The following TTBK2 variants were observed in gnomAD, a reference collection of about 807,000 sequenced individuals.
TTBK2 encodes tau tubulin kinase 2, also known as tau-tubulin kinase 2.
A neutral mutation model predicts 110.8 loss-of-function variants in TTBK2; 28 were observed. The ratio of observed to expected loss-of-function variants is 0.25; its 90% CI spans 0.19 to 0.35. The LOEUF is 0.35. Among genes scored for constraint, TTBK2 ranks in the 10% least tolerant of loss-of-function variants. The pLI is 1.00. For missense variants in TTBK2, 1,369 were observed against 1,500.3 expected (o/e 0.91, Z 1.45); for synonymous variants, 532 against 527.3 (o/e 1.01, Z -0.12).
chr15:42,816,081 A>ATAT (rs1891995255), intron 7 of TTBK2, among the ~76,000 whole-genome samples: 88 of 60,286 alleles, frequency 1.5e-3, no homozygotes, highest in East Asian at 3.6e-3. Context: ...AAAATAAATA[A>ATAT]ATAAATATAT....
At chr15:42,902,888 G>C (rs539617823) in intron 1 of TTBK2, among the ~76,000 whole-genome samples, 108 of 151,834 alleles carry the variant, frequency 7.1e-4, no homozygotes, top group Non-Finnish European at 1.3e-3. Flanking sequence ...CTACTTGGGA[G>C]GCAGGAGAAT....
At chr15:42,747,629 G>A (rs1261465836) in intron 14 of TTBK2, among the ~76,000 whole-genome samples, 1 of 152,238 alleles carries the variant, frequency 6.6e-6, no homozygotes, top group Non-Finnish European at 1.5e-5. Flanking sequence ...TCTGATAGGA[G>A]GCGGAGCTCA....
chr15:42,793,824 T>G (rs1370277081), intron 10 of TTBK2, among the ~76,000 whole-genome samples: 1 of 150,246 alleles, frequency 6.7e-6, no homozygotes, highest in East Asian at 1.9e-4. Flanking sequence ...GCAACAAGAA[T>G]GAAACTCCAT....
In TTBK2 at chr15:42,868,862, A is replaced by AAAATAAAT. The variant is rs138092138; in HGVS notation, c.217+3741_217+3748dup. ...GACGACAGAGTGAGACCTTGTCTCA[A>AAAATAAAT]AAATAAATAAATAAATAAATAAATA... On this transcript the variant is annotated intron_variant, in intron 3 of 14. Transcript: ENST00000267890. 2.9e-3 allele frequency among the ~76,000 whole-genome samples: 427 copies of AAAATAAAT among 146,214 alleles called. 1 individual carries two copies. Among genetic ancestry groups the AAAATAAAT allele is most frequent in the African/African-American group, 4.5e-3 (175 of 38,706 alleles).
chr15:42,831,438 C>G (rs1595960585), intron 4 of TTBK2, among the ~76,000 whole-genome samples: 1 of 152,082 alleles, frequency 6.6e-6, no homozygotes, highest in East Asian at 1.9e-4. Context: ...TATGACCAAA[C>G]ATTATATGAC....
intron 10 of TTBK2, among the ~76,000 whole-genome samples, chr15:42,789,798 T>C (rs1890568902): frequency 6.6e-6 from 1 of 151,784 alleles, no homozygotes; most frequent in African/African-American, 2.4e-5. Flanking sequence ...TGTGTAAGTA[T>C]TTATACATCA....
intron 10 of TTBK2, among the ~76,000 whole-genome samples, chr15:42,791,607 T>C (rs1367448670): frequency 1.3e-5 from 2 of 152,196 alleles, no homozygotes; most frequent in Non-Finnish European, 2.9e-5. Flanking sequence ...TTGCCTTCTA[T>C]TTCTTTCCTG....
intron 9 of TTBK2, 139 bp from the exon 10 acceptor site, chr15:42,794,940 T>G (rs1467148531): frequency 4.1e-6 from 4 of 980,936 alleles, no homozygotes; most frequent in Non-Finnish European, 4.7e-6. Context: ...ATTGCGAAAT[T>G]TGAATAGGAA....
chr15:42,879,401 C>A (rs1451677644), intron 1 of TTBK2, among the ~76,000 whole-genome samples: 1 of 152,058 alleles, frequency 6.6e-6, no homozygotes, highest in Non-Finnish European at 1.5e-5. Flanking sequence ...TAAGTATCTG[C>A]TTTTGTTTTT....
rs771123105 is a variant in TTBK2 at position 42,794,677 on chromosome 15, T to A, written c.947A>T (p.Gln316Leu). The A allele has an allele frequency of 1.9e-6, 3 of 1,614,112 alleles. No homozygotes were observed. The East Asian group carries it at 6.7e-5, about 36-fold the overall frequency. The change falls in exon 10 of 15, where the codon CAG becomes CTG. Residue 316 changes from glutamine (Q) to leucine (L), a missense_variant. Physicochemically the swap from Gln to Leu is moderately radical, Grantham distance 113. This residue lies in a region of TTBK2 where 1,097 missense variants were observed against 1,114.7 expected (regional missense o/e 0.98). Transcript: ENST00000267890. ...AGCAGGGGTCAAGCGAGTGTGCAAC[T>A]GAGGGGTGGTAGAAGTAGTGGTGGT... ...LTTTTTSTTP[Q>L]LHTRLTPAAI...
At chr15:42,759,578 G>A (rs1487864472) in intron 13 of TTBK2, among the ~76,000 whole-genome samples, 1 of 152,200 alleles carries the variant, frequency 6.6e-6, no homozygotes, top group East Asian at 1.9e-4. Flanking sequence ...AAGCAGCCTG[G>A]TGAGACCATA....
intron 4 of TTBK2, among the ~76,000 whole-genome samples, chr15:42,833,247 TAAAAAAAAAAAA>T (rs35997543): frequency 1.3e-5 from 1 of 74,872 alleles, no homozygotes; most frequent in African/African-American, 5.2e-5. Flanking sequence ...CCAAATTTTG[TAAAAAAAAAAAA>T]AAAAAAAAAA....
chr15:42,768,682 G>A (rs1270108145), intron 13 of TTBK2, among the ~76,000 whole-genome samples: 1 of 152,136 alleles, frequency 6.6e-6, no homozygotes, highest in Non-Finnish European at 1.5e-5. Flanking sequence ...TGGCCATACT[G>A]CCCAAGGTAA....
intron 1 of TTBK2, among the ~76,000 whole-genome samples, chr15:42,918,475 T>C (rs745839023): frequency 2.0e-5 from 3 of 152,170 alleles, no homozygotes; most frequent in Non-Finnish European, 4.4e-5. Context: ...CAAGCAGTCA[T>C]CTGGATATGT....
chr15:42,771,300 G>T (rs1889664744), intron 13 of TTBK2, among the ~76,000 whole-genome samples: 1 of 152,018 alleles, frequency 6.6e-6, no homozygotes, highest in Non-Finnish European at 1.5e-5. Context: ...TTCCCAGAAA[G>T]ATTTTTAATT....
chr15:42,875,067 CAG>C (rs925505627), intron 2 of TTBK2, among the ~76,000 whole-genome samples: 2 of 151,834 alleles, frequency 1.3e-5, no homozygotes, highest in Non-Finnish European at 2.9e-5. Flanking sequence ...AACTCATAAA[CAG>C]TACCAAACAG....
chr15:42,775,429 C>T lies in TTBK2; in HGVS notation c.1704G>A (p.Glu568=). 6.2e-7 allele frequency: 1 copy of T among 1,614,202 alleles called. No homozygotes were observed. The highest frequency in any genetic ancestry group is 1.6e-4 in the Middle Eastern group (1 of 6,062). ...EQDLQDFRTN[E]AVGHKTTGSP... is the part of the protein sequence containing the mutation. ...TTCCAGTTGTTTTATGTCCTACAGC[C>T]TCATTTGTCCTAAAATCCTGAAGGT... The change falls in exon 13 of 15, where the codon GAG becomes GAA. Residue 568 remains glutamate (E), a synonymous_variant. Transcript: ENST00000267890.
rs562671745 is a variant in TTBK2 at position 42,844,107 on chromosome 15, C to T, written c.218-3674G>A. 5.3e-5 allele frequency among the ~76,000 whole-genome samples: 8 copies of T among 152,318 alleles called. No individual in the cohort carries two copies. In the East Asian group the frequency reaches 1.5e-3, roughly 29 times the overall value. ...AATTATTAAACTCTCTGCTGCAACA[C>T]CAGTCTCAGTGTATTGGCTTTTTCT... On this transcript the variant is annotated intron_variant, in intron 3 of 14. Transcript: ENST00000267890.
At chr15:42,895,984 C>T (rs1290139739) in intron 1 of TTBK2, among the ~76,000 whole-genome samples, 1 of 152,098 alleles carries the variant, frequency 6.6e-6, no homozygotes. Context: ...ATGGATTTGC[C>T]TATTCTGGGC....
Sources: gnomAD v4.1 joint callset for allele counts (sites outside exome capture counted in the v4.1 genomes callset) on GRCh38, gnomAD v4.1.1 for gene constraint, gnomAD v4.1.1 regional missense constraint, MANE v1.5 for transcripts, NCBI Gene and HGNC (gene_info 2026-07-23, HGNC 2026-07-21) for gene names.